Variants in TFB1M observed in about 807,000 individuals in gnomAD.
TFB1M encodes transcription factor B1, mitochondrial, also known as dimethyladenosine transferase 1, mitochondrial.
TFB1M carries 27 observed loss-of-function variants against 31.1 expected under a neutral mutation model. The observed-to-expected ratio is 0.87, with a 90% CI of 0.64 to 1.20. The LOEUF (loss-of-function observed/expected upper bound fraction) is 1.20, where lower values mean the gene tolerates loss of function less well. Among genes scored for constraint, TFB1M ranks in the 50% most tolerant of loss-of-function variants. TFB1M has a pLI of 0.00. For missense variants in TFB1M, 394 were observed against 418.7 expected (o/e 0.94, Z 0.51); for synonymous variants, 166 against 151.8 (o/e 1.09, Z -0.69).
chr6:155,285,056 C>A, intron 5 of TFB1M, 102 bp downstream of exon 5: 1 of 1,482,774 alleles, frequency 6.7e-7, no homozygotes. Context: ...TCAGTTTGCA[C>A]ATAAACAAAG....
rs116794887 is a variant in TFB1M, at chr6:155,292,580, A to G, written c.546+4373T>C. 7.4e-3 allele frequency among the ~76,000 whole-genome samples: 1,121 copies of G among 152,200 alleles called. 14 individuals are homozygous for G. Among genetic ancestry groups the G allele is most frequent in the African/African-American group, 0.026 (1,066 of 41,524 alleles). On this transcript the variant is annotated intron_variant, in intron 4 of 6. Transcript: ENST00000367166. ...GCTACCCTGGATCCACCAGAACAATAAAAGCCTCAAGCAATCTTATCTATG... is the reference window on the plus strand; with the variant it reads ...GCTACCCTGGATCCACCAGAACAATGAAAGCCTCAAGCAATCTTATCTATG...
the TFB1M span, chr6:155,250,708 CT>C: frequency 1.5e-6 from 2 of 1,294,228 alleles, no homozygotes; most frequent in Admixed American, 4.1e-5. Context: ...ATGCCTTCAC[CT>C]TTATGTTATT....
rs1430168987 is a variant in TFB1M, at chr6:155,256,952, G to T, written c.*884C>A. 6.2e-7 allele frequency: 1 copy of T among 1,614,194 alleles called. No homozygotes were observed. Among genetic ancestry groups the T allele is most frequent in the Non-Finnish European group, 8.5e-7 (1 of 1,180,046 alleles). On this transcript the variant is annotated 3_prime_UTR_variant, in exon 7 of 7. Coordinates refer to ENST00000367166, the MANE Select transcript of TFB1M (RefSeq NM_016020.4). ...AAAGCCAACAGCACCAAGAGGGACAGAGGAACTTTGCTCAAGGCGCAGATC... is the reference window on the plus strand; with the variant it reads ...AAAGCCAACAGCACCAAGAGGGACATAGGAACTTTGCTCAAGGCGCAGATC...
rs566719778 is a variant in TFB1M at position 155,270,565 on chromosome 6, T to C, written c.667-10165A>G. Among the ~76,000 whole-genome samples the C allele has an allele frequency of 2.0e-5, 3 of 152,352 alleles. No homozygotes were observed. The South Asian group carries it at 6.2e-4, about 32-fold the overall frequency. ...AGGCAATTAATATTTTATAGGATTA[T>C]TGTTTTCATCAAGGCAAAAAAATAA... On this transcript the variant is annotated intron_variant, in intron 5 of 6. Transcript: ENST00000367166.
downstream of TFB1M, among the ~76,000 whole-genome samples, chr6:155,252,355 G>A (rs1211541744): frequency 6.6e-6 from 1 of 152,170 alleles, no homozygotes; most frequent in Admixed American, 6.5e-5. Context: ...TGTAGTCCCA[G>A]CTACTCGGGA....
At chr6:155,252,683 C>T (rs895438034), downstream of TFB1M, among the ~76,000 whole-genome samples, 4 of 152,154 alleles carry the variant, frequency 2.6e-5, no homozygotes, top group Non-Finnish European at 4.4e-5. Flanking sequence ...TCAGAGGCAG[C>T]GTCAGGGCGT....
At chr6:155,258,552 C>CTGA (rs935281606) in intron 6 of TFB1M, among the ~76,000 whole-genome samples, 1 of 143,686 alleles carries the variant, frequency 7.0e-6, no homozygotes, top group Non-Finnish European at 1.5e-5. Context: ...TTGAAAATAG[C>CTGA]TGATAGGAAA....
At chr6:155,244,767 C>T in the TFB1M span, 1 of 1,612,686 alleles carries the variant, frequency 6.2e-7, no homozygotes, top group African/African-American at 1.3e-5. Flanking sequence ...ACCCTAGAAA[C>T]CCCCTCACAG....
Position 155,257,762 on chromosome 6 carries a change from A to AAAAG in TFB1M, c.*70_*73dup. ...ATTTGTATCGTCATTCTGTAAAGAC[A>AAAAG]AAAGAGTACCTATATAAGAAGCTCC... On this transcript the variant is annotated 3_prime_UTR_variant, in exon 7 of 7. Coordinates refer to ENST00000367166, the MANE Select transcript of TFB1M (RefSeq NM_016020.4). The AAAAG allele has an allele frequency of 1.3e-6, 2 of 1,577,628 alleles. No homozygotes were observed. The highest frequency in any genetic ancestry group is 8.6e-7 in the Non-Finnish European group (1 of 1,156,882).
At chr6:155,286,468 AATAT>A (rs202019875) in intron 4 of TFB1M, among the ~76,000 whole-genome samples, 2 of 147,366 alleles carry the variant, frequency 1.4e-5, no homozygotes, top group African/African-American at 5.0e-5. Flanking sequence ...TTGGGGACAA[AATAT>A]ATATATATGT....
chr6:155,305,059 C>A (rs982904420), intron 2 of TFB1M, among the ~76,000 whole-genome samples: 53 of 138,596 alleles, frequency 3.8e-4, no homozygotes, highest in African/African-American at 1.4e-3. Context: ...GTATCAAAGA[C>A]CTAAATGTAA....
intron 6 of TFB1M, among the ~76,000 whole-genome samples, chr6:155,259,695 C>T (rs1290006783): frequency 1.3e-5 from 2 of 152,244 alleles, no homozygotes; most frequent in Admixed American, 1.3e-4. Context: ...CTTAACTAAA[C>T]AGCTTCTTGG....
the TFB1M span, among the ~76,000 whole-genome samples, chr6:155,232,256 G>A: frequency 6.7e-6 from 1 of 148,442 alleles, no homozygotes; most frequent in Non-Finnish European, 1.5e-5. Flanking sequence ...AGTCCTTCGT[G>A]CAATTTTTAG....
rs1209551037 is a variant in TFB1M, at chr6:155,314,477, G to A, written c.-49C>T. ...CCCTACCTCACCCAGGACCTTCACC[G>A]CCGCTCCGAAAGAAACGCGCAGGGG... On this transcript the variant is annotated 5_prime_UTR_variant, in exon 1 of 7. Coordinates refer to ENST00000367166, the MANE Select transcript of TFB1M (RefSeq NM_016020.4). 7.4e-6 allele frequency: 12 copies of A among 1,613,028 alleles called. No individual in the cohort carries two copies. In the East Asian group the frequency reaches 2.7e-4, roughly 36 times the overall value.
At chr6:155,247,895 TAGG>T in the TFB1M span, 8 of 1,384,614 alleles carry the variant, frequency 5.8e-6, no homozygotes, top group Non-Finnish European at 7.9e-6. Context: ...AGAATGGCAT[TAGG>T]AGGACTATAG....
chr6:155,264,599 G>C (rs537082474), intron 5 of TFB1M, among the ~76,000 whole-genome samples: 1 of 151,938 alleles, frequency 6.6e-6, no homozygotes, highest in South Asian at 2.1e-4. Context: ...CAGAAGTTCT[G>C]TCCTCACCCT....
intron 4 of TFB1M, among the ~76,000 whole-genome samples, chr6:155,295,076 A>T (rs1479602090): frequency 6.6e-6 from 1 of 152,220 alleles, no homozygotes; most frequent in East Asian, 1.9e-4. Context: ...TCAAAAGTGG[A>T]CAAAACTGGG....
chr6:155,278,468 T>C (rs772773551), intron 5 of TFB1M, among the ~76,000 whole-genome samples: 10 of 152,068 alleles, frequency 6.6e-5, no homozygotes, highest in Admixed American at 6.6e-5. Context: ...GACTGGGAGG[T>C]GTGGTGTCAT....
downstream of TFB1M, chr6:155,254,757 C>G: frequency 3.0e-6 from 2 of 669,396 alleles, no homozygotes; most frequent in Non-Finnish European, 4.9e-6. Flanking sequence ...TACAGCCACC[C>G]CCAACCCCCA....
Sources: allele counts gnomAD v4.1 joint callset (sites outside exome capture counted in the v4.1 genomes callset), GRCh38; gene constraint gnomAD v4.1.1; transcripts MANE v1.5; gene names NCBI Gene and HGNC (gene_info 2026-07-23, HGNC 2026-07-21).